The following RBMS2 variants were observed in gnomAD, a reference collection of about 807,000 sequenced individuals.
RBMS2 encodes the protein RNA-binding motif, single-stranded-interacting protein 2.
RBMS2 carries 38 observed loss-of-function variants against 58.4 expected under a neutral mutation model. The observed-to-expected ratio is 0.65, with a 90% CI of 0.50 to 0.85. The LOEUF (loss-of-function observed/expected upper bound fraction) is 0.85, where lower values mean the gene tolerates loss of function less well. RBMS2 is among the 40% of genes least tolerant of loss of function. RBMS2 has a pLI of 0.00. For synonymous variants in RBMS2, 151 were observed against 180.7 expected, an observed-to-expected ratio of 0.84 and a Z score of 1.32; for missense variants, 367 against 503.7, an observed-to-expected ratio of 0.73 and a Z score of 2.60.
intron 2 of RBMS2, among the ~76,000 whole-genome samples, chr12:56,563,387 A>G (rs1239502727): frequency 2.0e-5 from 3 of 152,190 alleles, no homozygotes; most frequent in African/African-American, 7.2e-5. Context: ...GGACTCGCCA[A>G]TCAAATCATG....
rs1302218282 is a variant in RBMS2 at position 56,591,196 on chromosome 12, G to A, written c.*2063G>A. The A allele has an allele frequency of 6.6e-6, 1 of 152,214 alleles. No individual in the cohort carries two copies. The highest frequency in any genetic ancestry group is 1.5e-5 in the Non-Finnish European group (1 of 68,092). The allele number at this position is 152,214 out of a possible 1,614,324, so 9.4% of individuals were successfully genotyped here. ...CAGTCAGACAAAGGCAAATAATGGA[G>A]GATAGAGAGACAGGTGTTCATTAGG... On this transcript the variant is annotated 3_prime_UTR_variant, in exon 14 of 14. Transcript: ENST00000262031.
rs369520171 is a variant in RBMS2 at position 56,562,603 on chromosome 12, C to G, written c.233+20C>G. The G allele has an allele frequency of 4.5e-5, 72 of 1,605,658 alleles. No homozygotes were observed. Among genetic ancestry groups the G allele is most frequent in the Non-Finnish European group, 6.1e-5 (71 of 1,172,666 alleles). Reference sequence around the variant, plus strand: ...TCAGCCGTAAGTTGGAGTACATGTGCGTAGGCTTCCAGGGACAGTATAGAT... The same window carrying G: ...TCAGCCGTAAGTTGGAGTACATGTGGGTAGGCTTCCAGGGACAGTATAGAT... On this transcript the variant is annotated intron_variant, in intron 2 of 13. Transcript: ENST00000262031.
Position 56,587,275 on chromosome 12 carries a change from A to C in RBMS2, c.952-279A>C, listed in dbSNP as rs555435056. Among the ~76,000 whole-genome samples, 12 of 152,276 alleles carry C rather than the reference A, an allele frequency of 7.9e-5. No homozygotes were observed. In the East Asian group the frequency reaches 2.1e-3, roughly 27 times the overall value. ...AGAGTGAAACTCCGTCTCAAAAAAA[A>C]AAAAAAGGCCTTTGATGCCAGGAGA... On this transcript the variant is annotated intron_variant, in intron 10 of 13. Coordinates refer to ENST00000262031, the MANE Select transcript of RBMS2 (RefSeq NM_002898.4).
rs959502859 is a variant in RBMS2 at position 56,594,842 on chromosome 12, T to G, written c.*5709T>G. 1 of 152,220 alleles carries G rather than the reference T, an allele frequency of 6.6e-6. No individual in the cohort carries two copies. Among genetic ancestry groups the G allele is most frequent in the African/African-American group, 2.4e-5 (1 of 41,444 alleles). The allele number at this position is 152,220 out of a possible 1,614,324, so 9.4% of individuals were successfully genotyped here. ...ACACGTCTACCTCACAACCTCACAATTCAACAACAGGTAAATACCTGGATT... is the reference window on the plus strand; with the variant it reads ...ACACGTCTACCTCACAACCTCACAAGTCAACAACAGGTAAATACCTGGATT... On this transcript the variant is annotated 3_prime_UTR_variant, in exon 14 of 14. Transcript: ENST00000262031.
chr12:56,572,774 TG>T (rs1440223864), intron 5 of RBMS2: 2 of 985,144 alleles, frequency 2.0e-6, no homozygotes, highest in Non-Finnish European at 2.4e-6. Context: ...GTAGAAGTTT[TG>T]ATCTTCCTTT....
intron 1 of RBMS2, among the ~76,000 whole-genome samples, chr12:56,559,578 G>A (rs1425853342): frequency 1.3e-5 from 2 of 150,672 alleles, no homozygotes; most frequent in East Asian, 2.1e-4. Context: ...ACGGCCGGGC[G>A]CGGTGGCTCA....
intron 10 of RBMS2, 93 bp from the exon 11 acceptor site, chr12:56,587,461 T>C (rs1884830095): frequency 7.6e-7 from 1 of 1,310,362 alleles, no homozygotes; most frequent in Non-Finnish European, 1.0e-6. Flanking sequence ...TTCTTAAATG[T>C]CTGTCTCCAG....
Position 56,557,726 on chromosome 12 carries a change from T to TTTTTC in RBMS2, c.67-4676_67-4672dup, listed in dbSNP as rs527356817. Among the ~76,000 whole-genome samples the TTTTTC allele has an allele frequency of 7.6e-3, 1,156 of 151,450 alleles. 16 individuals carry two copies. Among genetic ancestry groups the TTTTTC allele is most frequent in the African/African-American group, 0.027 (1,114 of 40,900 alleles). ...GCATGGCAGCAAACCAATAGCCTCTTTTTTCTTTTCTTTTCTTTTTTTTTT... is the reference window on the plus strand; with the variant it reads ...GCATGGCAGCAAACCAATAGCCTCTTTTTTCTTTTCTTTTCTTTTCTTTTTTTTTT... On this transcript the variant is annotated intron_variant, in intron 1 of 13. Transcript: ENST00000262031.
chr12:56,562,180 G>A (rs979151017), intron 1 of RBMS2, among the ~76,000 whole-genome samples: 18 of 152,206 alleles, frequency 1.2e-4, no homozygotes, highest in Non-Finnish European at 8.8e-5. Context: ...GAAATATAAA[G>A]GATGTATTAA....
chr12:56,553,358 T>A (rs1878625569), intron 1 of RBMS2, among the ~76,000 whole-genome samples: 1 of 151,924 alleles, frequency 6.6e-6, no homozygotes, highest in Non-Finnish European at 1.5e-5. Context: ...GTGATAAAGA[T>A]TATTCTGTCG....
intron 9 of RBMS2, among the ~76,000 whole-genome samples, chr12:56,586,409 G>A (rs1009583372): frequency 2.0e-5 from 3 of 152,022 alleles, no homozygotes; most frequent in Non-Finnish European, 4.4e-5. Flanking sequence ...AACAGAGCAA[G>A]ACTCTGTCTC....
At chr12:56,575,359 C>T (rs1313176376) in intron 5 of RBMS2, among the ~76,000 whole-genome samples, 1 of 151,832 alleles carries the variant, frequency 6.6e-6, no homozygotes, top group African/African-American at 2.4e-5. Flanking sequence ...ATCACCTGAG[C>T]CCAGGAGGTC....
In RBMS2 at chr12:56,593,171, C is replaced by G. The variant is rs557480756; in HGVS notation, c.*4038C>G. ...GTTTTGTTTTTTTGAGACAGGGTCT[C>G]ACTCTGTGGCCCAGGCTGGAGTGCA... On this transcript the variant is annotated 3_prime_UTR_variant, in exon 14 of 14. Transcript: ENST00000262031. 1 of 150,794 alleles carries G rather than the reference C, an allele frequency of 6.6e-6. No homozygotes were observed. Among genetic ancestry groups the G allele is most frequent in the African/African-American group, 2.4e-5 (1 of 40,866 alleles). 9.3% of individuals were successfully genotyped at this position (150,794 alleles called of 1,614,324 possible). A position where few individuals can be genotyped will look rare whatever the true frequency, so the allele number is the denominator to read the frequency against.
At chr12:56,530,353 T>C (rs1199260693) in intron 1 of RBMS2, among the ~76,000 whole-genome samples, 77 of 127,082 alleles carry the variant, frequency 6.1e-4, no homozygotes, top group African/African-American at 2.3e-3. Flanking sequence ...CTTTTTCCTT[T>C]TTTTTTTTTT....
At chr12:56,561,155 C>T (rs192672100) in intron 1 of RBMS2, among the ~76,000 whole-genome samples, 34 of 152,260 alleles carry the variant, frequency 2.2e-4, no homozygotes, top group Middle Eastern at 6.8e-3. Flanking sequence ...TTTCTTTATT[C>T]AGTCTACCAT....
chr12:56,548,231 G>A lies in RBMS2; in HGVS notation c.67-14186G>A, dbSNP rs150975602. ...GGCTGCCAAGGTGGGCAGATCACAT[G>A]AGGTCAGGAGTTCGAGACCAGCCTG... is the stretch of plus-strand genomic sequence containing the variant. On this transcript the variant is annotated intron_variant, in intron 1 of 13. Transcript: ENST00000262031. Among the ~76,000 whole-genome samples, 1,189 of 152,026 alleles carry A rather than the reference G, an allele frequency of 7.8e-3. 17 individuals carry two copies. Among genetic ancestry groups the A allele is most frequent in the African/African-American group, 0.026 (1,090 of 41,472 alleles).
chr12:56,586,546 T>C (rs1029223431), intron 9 of RBMS2, among the ~76,000 whole-genome samples: 1 of 152,062 alleles, frequency 6.6e-6, no homozygotes, highest in African/African-American at 2.4e-5. Context: ...TAGAGAGATA[T>C]CTTTCCAAAC....
intron 1 of RBMS2, among the ~76,000 whole-genome samples, chr12:56,553,452 C>T (rs189178740): frequency 4.7e-4 from 72 of 152,118 alleles, no homozygotes; most frequent in Admixed American, 1.3e-3. Flanking sequence ...CCTTAGCCTC[C>T]CCAGTACTAA....
In RBMS2 at chr12:56,595,315, G is replaced by A. The variant is rs893568752; in HGVS notation, c.*6182G>A. 1.3e-5 allele frequency: 2 copies of A among 152,204 alleles called. No individual in the cohort carries two copies. The highest frequency in any genetic ancestry group is 2.9e-5 in the Non-Finnish European group (2 of 68,040). The allele number at this position is 152,204 out of a possible 1,614,324, so 9.4% of individuals were successfully genotyped here. ...CAGGCTGGAGGGTAATACATATCCA[G>A]CGCGAGTGAAGTCCCCACTCCAACA... On this transcript the variant is annotated 3_prime_UTR_variant, in exon 14 of 14. Transcript: ENST00000262031.
Sources: gnomAD v4.1 joint callset for allele counts (sites outside exome capture counted in the v4.1 genomes callset) on GRCh38, gnomAD v4.1.1 for gene constraint, MANE v1.5 for transcripts, NCBI Gene and HGNC (gene_info 2026-07-23, HGNC 2026-07-21) for gene names.